The following AP2M1 variants were observed in gnomAD, a reference collection of about 807,000 sequenced individuals.
The protein encoded by AP2M1 is AP-2 complex subunit mu.
Under a neutral mutation model 54.5 loss-of-function variants are expected in AP2M1, and 5 were observed. The observed-to-expected ratio is 0.09, with a 90% CI of 0.05 to 0.19. The LOEUF (loss-of-function observed/expected upper bound fraction) is 0.19, where lower values mean the gene tolerates loss of function less well. AP2M1 is among the 10% of genes least tolerant of loss of function. The probability of loss-of-function intolerance (pLI) is 1.00; values close to 1 mark genes in which losing one functional copy is unlikely to be tolerated. For synonymous variants in AP2M1, 186 were observed against 208.2 expected (o/e 0.89, Z 0.92); for missense variants, 178 against 580.2 (o/e 0.31, Z 7.12).
Position 184,180,841 on chromosome 3 carries a change from TC to T in AP2M1, c.430-7del, listed in dbSNP as rs767827552. ...AGGCCATTGCTGTTTGTTTCTGCCC[TC>T]ATGTAGACAAAAGAAGAGCAGTCAC... is the stretch of plus-strand genomic sequence containing the variant. On this transcript the variant is annotated splice_polypyrimidine_tract_variant and splice_region_variant and intron_variant, in intron 5 of 11. Transcript: ENST00000292807. This position sits in a 1 kb window ranked among gnomAD's most constrained non-coding sequence, Gnocchi z 4.9. The T allele has an allele frequency of 3.7e-6, 6 of 1,614,200 alleles. No individual in the cohort carries two copies. The highest frequency in any genetic ancestry group is 1.6e-4 in the Middle Eastern group (1 of 6,062).
rs1057271546 is a variant in AP2M1 at position 184,176,966 on chromosome 3, G to A, written c.-28G>A. Reference sequence around the variant, plus strand: ...CCTGTCCTAGGTCTGTTCTCAGAGCGATGGGCCGCGGAGACTGATCTGCCG... The same window carrying A: ...CCTGTCCTAGGTCTGTTCTCAGAGCAATGGGCCGCGGAGACTGATCTGCCG... On this transcript the variant is annotated 5_prime_UTR_variant, in exon 2 of 12. Coordinates refer to ENST00000292807, the MANE Select transcript of AP2M1 (RefSeq NM_004068.4). The A allele has an allele frequency of 3.7e-6, 6 of 1,612,086 alleles. No homozygotes were observed. Among genetic ancestry groups the A allele is most frequent in the Non-Finnish European group, 5.1e-6 (6 of 1,179,122 alleles).
rs537400526 is a variant in AP2M1 at position 184,181,492 on chromosome 3, C to T, written c.708-204C>T. 71 of 845,388 alleles carry T rather than the reference C, an allele frequency of 8.4e-5. No homozygotes were observed. Among genetic ancestry groups the T allele is most frequent in the African/African-American group, 6.5e-4 (38 of 58,496 alleles). The allele number at this position is 845,388 out of a possible 1,614,324, so 52.4% of individuals were successfully genotyped here. A position where few individuals can be genotyped will look rare whatever the true frequency, so the allele number is the denominator to read the frequency against. On this transcript the variant is annotated intron_variant, in intron 7 of 11. Coordinates refer to ENST00000292807, the MANE Select transcript of AP2M1 (RefSeq NM_004068.4). This position sits in a 1 kb window ranked among gnomAD's most constrained non-coding sequence, Gnocchi z 5.7. ...CTCTGCCCAGTGTGCCTGAAACACC[C>T]AGGTCCCTAGCAGAAGGAGCCCCAA...
At position 184,182,050 on chromosome 3, in the gene AP2M1, G is replaced by A. The variant is rs1166789621; in HGVS notation, c.963+3G>A. The A allele has an allele frequency of 4.3e-6, 7 of 1,613,186 alleles. No homozygotes were observed. The highest frequency in any genetic ancestry group is 2.2e-5 in the South Asian group (2 of 90,934). ...CACTGCTGGCTCAGAAGATCGAGGT[G>A]AGGACAGGGGGCTCAAGGAGGAGGA... On this transcript the variant is annotated splice_donor_region_variant and intron_variant, in intron 9 of 11. Coordinates refer to ENST00000292807, the MANE Select transcript of AP2M1 (RefSeq NM_004068.4). The surrounding 1 kb of genome is among the most constrained non-coding windows in gnomAD (Gnocchi z 5.5).
At chr3:184,175,311 T>C (rs34285207) in intron 1 of AP2M1, among the ~76,000 whole-genome samples, 2 of 152,112 alleles carry the variant, frequency 1.3e-5, no homozygotes, top group Non-Finnish European at 2.9e-5. Flanking sequence ...CGTAGGACAG[T>C]GACACCCCTT....
At position 184,178,478 on chromosome 3, in the gene AP2M1, T is replaced by C. The variant is rs1976701; in HGVS notation, c.75-379T>C. On this transcript the variant is annotated intron_variant, in intron 2 of 11. Coordinates refer to ENST00000292807, the MANE Select transcript of AP2M1 (RefSeq NM_004068.4). This position sits in a 1 kb window ranked among gnomAD's most constrained non-coding sequence, Gnocchi z 4.9. ...ACTAGCGGGAGGACTGAAGAAGCAG[T>C]GTCTCTTTCTGTCCTGGACCTGGGA... Among the ~76,000 whole-genome samples the C allele has an allele frequency of 6.6e-6, 1 of 152,330 alleles. No individual in the cohort carries two copies. Among genetic ancestry groups the C allele is most frequent in the African/African-American group, 2.4e-5 (1 of 41,566 alleles).
rs1454254768 is a variant in AP2M1, at chr3:184,178,316, T to C, written c.75-541T>C. 2 of 1,438,910 alleles carry C rather than the reference T, an allele frequency of 1.4e-6. No homozygotes were observed. Among genetic ancestry groups the C allele is most frequent in the Non-Finnish European group, 1.9e-6 (2 of 1,058,404 alleles). The allele number at this position is 1,438,910 out of a possible 1,614,324, so 89.1% of individuals were successfully genotyped here. On this transcript the variant is annotated intron_variant, in intron 2 of 11. Coordinates refer to ENST00000292807, the MANE Select transcript of AP2M1 (RefSeq NM_004068.4). This position sits in a 1 kb window ranked among gnomAD's most constrained non-coding sequence, Gnocchi z 4.9. Reference sequence around the variant, plus strand: ...ATCCTTTTTCATTCCCTCAACTTGCTCTGGAGTTGGATCCTGGGCAAGAAT... The same window carrying C: ...ATCCTTTTTCATTCCCTCAACTTGCCCTGGAGTTGGATCCTGGGCAAGAAT...
Position 184,181,611 on chromosome 3 carries a change from G to A in AP2M1, c.708-85G>A. The A allele has an allele frequency of 1.3e-6, 2 of 1,545,128 alleles. No homozygotes were observed. The highest frequency in any genetic ancestry group is 1.8e-6 in the Non-Finnish European group (2 of 1,129,744). On this transcript the variant is annotated intron_variant, in intron 7 of 11. Transcript: ENST00000292807. The surrounding 1 kb of genome is among the most constrained non-coding windows in gnomAD (Gnocchi z 5.7). Reference sequence around the variant, plus strand: ...TTCTAGCAGCTTTTCATAGTCTCTGGTGCCAGCCTGGGGTGGAGTGGTCTC... The same window carrying A: ...TTCTAGCAGCTTTTCATAGTCTCTGATGCCAGCCTGGGGTGGAGTGGTCTC...
chr3:184,182,005 C>G lies in AP2M1; in HGVS notation c.921C>G (p.Ile307Met), dbSNP rs369968833. 6.2e-7 allele frequency: 1 copy of G among 1,614,034 alleles called. No individual in the cohort carries two copies. Among genetic ancestry groups the G allele is most frequent in the African/African-American group, 1.3e-5 (1 of 74,930 alleles). Residue 307 changes from isoleucine to methionine, a missense_variant, in exon 9 of 12, where the codon ATC becomes ATG. Physicochemically the swap from Ile to Met is conservative, Grantham distance 10. Around this residue, in one of 5 missense-constraint regions of AP2M1, gnomAD observed 59 missense variants for 176.8 expected, o/e 0.33. Coordinates refer to ENST00000292807, the MANE Select transcript of AP2M1 (RefSeq NM_004068.4). This position sits in a 1 kb window ranked among gnomAD's most constrained non-coding sequence, Gnocchi z 5.5. ...CCAAACTGGAGGTCAAGGTGGTCAT[C>G]AAGTCCAACTTTAAACCCTCACTGC... Reference protein sequence around the residue: ...GRTKLEVKVVIKSNFKPSLLA... With the variant: ...GRTKLEVKVVMKSNFKPSLLA...
chr3:184,180,046 A>C lies in AP2M1; in HGVS notation c.341-123A>C. The stretch of plus-strand genomic sequence containing the variant: ...ACAGAATAAATGCTACAAAGCTAGA[A>C]GACTTTCTTGCGGATGATCCCACAT... On this transcript the variant is annotated intron_variant, in intron 3 of 11. Coordinates refer to ENST00000292807, the MANE Select transcript of AP2M1 (RefSeq NM_004068.4). This position sits in a 1 kb window ranked among gnomAD's most constrained non-coding sequence, Gnocchi z 4.9. The C allele has an allele frequency of 1.3e-6, 1 of 788,986 alleles. No homozygotes were observed. The highest frequency in any genetic ancestry group is 2.1e-6 in the Non-Finnish European group (1 of 475,842). The allele number at this position is 788,986 out of a possible 1,614,324, so 48.9% of individuals were successfully genotyped here.
At position 184,182,732 on chromosome 3, in the gene AP2M1, C is replaced by T. The variant is rs371411729; in HGVS notation, c.1062-25C>T. ...TGAAACTCCTCCAAGCCCCAATGGG[C>T]TGCCCATTGTCCCTGTGTTCCCAGG... On this transcript the variant is annotated intron_variant, in intron 10 of 11. Coordinates refer to ENST00000292807, the MANE Select transcript of AP2M1 (RefSeq NM_004068.4). This position sits in a 1 kb window ranked among gnomAD's most constrained non-coding sequence, Gnocchi z 5.5. 259 of 1,605,142 alleles carry T rather than the reference C, an allele frequency of 1.6e-4. 1 individual carries two copies. The highest frequency in any genetic ancestry group is 2.5e-4 in the Admixed American group (15 of 59,894).
At position 184,176,953 on chromosome 3, in the gene AP2M1, C is replaced by T. The variant is rs146101904; in HGVS notation, c.-41C>T. ...TACCCTGCCCCCGCCTGTCCTAGGT[C>T]TGTTCTCAGAGCGATGGGCCGCGGA... On this transcript the variant is annotated splice_region_variant and 5_prime_UTR_variant, in exon 2 of 12. Coordinates refer to ENST00000292807, the MANE Select transcript of AP2M1 (RefSeq NM_004068.4). 47 of 1,607,122 alleles carry T rather than the reference C, an allele frequency of 2.9e-5. No individual in the cohort carries two copies. In the East Asian group the frequency reaches 6.7e-4, roughly 23 times the overall value.
intron 3 of AP2M1, chr3:184,179,434 A>G (rs957086069): frequency 5.7e-6 from 2 of 348,198 alleles, no homozygotes; most frequent in Admixed American, 8.9e-5. Flanking sequence ...ACCTTAGTTC[A>G]CTAACTGTCC....
In AP2M1 at chr3:184,181,892, C is replaced by G. The variant is rs1715284881; in HGVS notation, c.828-20C>G. 2 of 1,613,836 alleles carry G rather than the reference C, an allele frequency of 1.2e-6. No homozygotes were observed. The highest frequency in any genetic ancestry group is 1.7e-6 in the Non-Finnish European group (2 of 1,179,744). On this transcript the variant is annotated intron_variant, in intron 8 of 11. Coordinates refer to ENST00000292807, the MANE Select transcript of AP2M1 (RefSeq NM_004068.4). This position sits in a 1 kb window ranked among gnomAD's most constrained non-coding sequence, Gnocchi z 5.7. ...GGAAGTGGGTCAGCTCTTTGGTAAC[C>G]TTGCTTCCCATCCCTTAAGGTATCG...
Position 184,180,179 on chromosome 3 carries a change from C to T in AP2M1, c.351C>T (p.Asp117=). The T allele has an allele frequency of 6.2e-7, 1 of 1,614,232 alleles. No homozygotes were observed. Among genetic ancestry groups the T allele is most frequent in the Non-Finnish European group, 8.5e-7 (1 of 1,180,042 alleles). ...LIYELLDEIL[D]FGYPQNSETG... ...CCCTTCTTTTTGCAGAGATTCTAGA[C>T]TTTGGCTACCCACAGAATTCCGAGA... Residue 117 remains aspartate (D), a synonymous_variant, in exon 4 of 12, where the codon GAC becomes GAT. Transcript: ENST00000292807. The surrounding 1 kb of genome is among the most constrained non-coding windows in gnomAD (Gnocchi z 4.9).
At chr3:184,179,379 G>A in intron 3 of AP2M1, 1 of 509,240 alleles carries the variant, frequency 2.0e-6, no homozygotes, top group Non-Finnish European at 3.5e-6. Context: ...ACTCAGGTTT[G>A]GTGGCTGAAC....
At position 184,182,930 on chromosome 3, in the gene AP2M1, T is replaced by G; in HGVS notation, c.1173+62T>G. On this transcript the variant is annotated intron_variant, in intron 11 of 11. Transcript: ENST00000292807. This position sits in a 1 kb window ranked among gnomAD's most constrained non-coding sequence, Gnocchi z 5.5. The stretch of plus-strand genomic sequence containing the variant: ...ATGCTGGAAGACCTCTTAGAGATCA[T>G]TCCGATAAACTGCTGCACCTTAGAG... 4 of 1,437,528 alleles carry G rather than the reference T, an allele frequency of 2.8e-6. No homozygotes were observed. Among genetic ancestry groups the G allele is most frequent in the Non-Finnish European group, 3.9e-6 (4 of 1,027,254 alleles). The allele number at this position is 1,437,528 out of a possible 1,614,324, so 89.0% of individuals were successfully genotyped here.
chr3:184,177,479 C>G, intron 2 of AP2M1: 6 of 1,450,510 alleles, frequency 4.1e-6, no homozygotes, highest in Non-Finnish European at 5.6e-6. Context: ...ATATCAAACG[C>G]CTTCACTGGA....
In AP2M1 at chr3:184,181,662, G is replaced by A. The variant is rs962288740; in HGVS notation, c.708-34G>A. The stretch of plus-strand genomic sequence containing the variant: ...CCAGCATGACAGCTGTCATTCTCCT[G>A]TACCAATGAGACCTCTTCTGCCCCT... On this transcript the variant is annotated intron_variant, in intron 7 of 11. Coordinates refer to ENST00000292807, the MANE Select transcript of AP2M1 (RefSeq NM_004068.4). The surrounding 1 kb of genome is among the most constrained non-coding windows in gnomAD (Gnocchi z 5.7). 6 of 1,612,032 alleles carry A rather than the reference G, an allele frequency of 3.7e-6. No individual in the cohort carries two copies. Among genetic ancestry groups the A allele is most frequent in the Non-Finnish European group, 5.1e-6 (6 of 1,179,444 alleles).
At position 184,176,934 on chromosome 3, in the gene AP2M1, G is replaced by A; in HGVS notation, c.-43-17G>A. ...CGATTCTGAGGTCTTCTTTTACCCT[G>A]CCCCCGCCTGTCCTAGGTCTGTTCT... On this transcript the variant is annotated splice_polypyrimidine_tract_variant and intron_variant, in intron 1 of 11. Transcript: ENST00000292807. 6.4e-7 allele frequency: 1 copy of A among 1,567,970 alleles called. No individual in the cohort carries two copies. Among genetic ancestry groups the A allele is most frequent in the Non-Finnish European group, 8.7e-7 (1 of 1,148,688 alleles).
Sources: gnomAD v4.1 joint callset for allele counts (sites outside exome capture counted in the v4.1 genomes callset) on GRCh38, gnomAD v4.1.1 for gene constraint, gnomAD v4.1.1 regional missense constraint, Gnocchi (gnomAD v3.1) non-coding constraint, MANE v1.5 for transcripts, NCBI Gene and HGNC (gene_info 2026-07-23, HGNC 2026-07-21) for gene names.